The following MIPEP variants were observed in gnomAD, a reference collection of about 807,000 sequenced individuals.
The protein encoded by MIPEP is mitochondrial intermediate peptidase.
In MIPEP, 79 loss-of-function variants were observed where a neutral mutation model predicts 90.3. The observed-to-expected ratio is 0.87, with a 90% confidence interval of 0.73 to 1.05. MIPEP has a LOEUF of 1.05. Ranked by LOEUF, MIPEP falls within the 50% of genes least tolerant of loss-of-function variation. The probability of loss-of-function intolerance (pLI) is 0.00; values close to 1 mark genes in which losing one functional copy is unlikely to be tolerated. For missense variants in MIPEP, 940 were observed against 905.6 expected (o/e 1.04, Z -0.49); for synonymous variants, 334 against 315.8 (o/e 1.06, Z -0.61).
intron 18 of MIPEP, among the ~76,000 whole-genome samples, chr13:23,738,818 C>A (rs1174156295): frequency 6.6e-6 from 1 of 152,278 alleles, no homozygotes; most frequent in East Asian, 1.9e-4. Context: ...GGTGTGTCAA[C>A]TGGGAGCCTG....
At chr13:23,880,129 ACT>A (rs1327577545) in intron 3 of MIPEP, among the ~76,000 whole-genome samples, 40 of 151,944 alleles carry the variant, frequency 2.6e-4, no homozygotes, top group African/African-American at 9.4e-4. Context: ...ACTCAAGGAT[ACT>A]CCTGTTCCTC....
intron 16 of MIPEP, among the ~76,000 whole-genome samples, chr13:23,778,437 T>A (rs1016358603): frequency 6.6e-6 from 1 of 152,140 alleles, no homozygotes; most frequent in Non-Finnish European, 1.5e-5. Context: ...GGGGCACGAA[T>A]CACCATAACC....
chr13:23,840,281 C>T (rs537634324), intron 11 of MIPEP, among the ~76,000 whole-genome samples: 1 of 152,248 alleles, frequency 6.6e-6, no homozygotes, highest in African/African-American at 2.4e-5. Context: ...TCAAAGAGAA[C>T]CCCGATTTTG....
intron 16 of MIPEP, among the ~76,000 whole-genome samples, chr13:23,802,112 A>G (rs1953049507): frequency 1.3e-5 from 2 of 152,176 alleles, no homozygotes; most frequent in Non-Finnish European, 2.9e-5. Context: ...CCTTGCCAAC[A>G]TCTGATACTG....
chr13:23,858,949 G>A (rs769775507), intron 9 of MIPEP, 37 bp from the exon 10 acceptor site: 2 of 1,575,182 alleles, frequency 1.3e-6, no homozygotes, highest in African/African-American at 2.7e-5. Flanking sequence ...GAAAGCTACT[G>A]ACTCTTTCAT....
At chr13:23,731,532 AATT>A (rs1952204420) in intron 18 of MIPEP, among the ~76,000 whole-genome samples, 2 of 152,310 alleles carry the variant, frequency 1.3e-5, no homozygotes, top group South Asian at 2.1e-4. Flanking sequence ...TAAACACTAA[AATT>A]ATTATCTTAA....
At chr13:23,779,411 A>C (rs1245009293) in intron 16 of MIPEP, among the ~76,000 whole-genome samples, 2 of 152,180 alleles carry the variant, frequency 1.3e-5, no homozygotes, top group Admixed American at 6.5e-5. Flanking sequence ...GTGGGAGGAT[A>C]AACATCCCAT....
chr13:23,842,801 G>C (rs975660979), intron 10 of MIPEP, among the ~76,000 whole-genome samples: 2 of 152,162 alleles, frequency 1.3e-5, no homozygotes, highest in African/African-American at 2.4e-5. Flanking sequence ...TTCTCGGATA[G>C]GAATCAAGAA....
intron 14 of MIPEP, among the ~76,000 whole-genome samples, chr13:23,831,154 G>A (rs1362539108): frequency 1.3e-5 from 2 of 152,132 alleles, no homozygotes; most frequent in East Asian, 1.9e-4. Flanking sequence ...GAGAAAGTGG[G>A]ATGGGAACAG....
chr13:23,836,442 G>C (rs1477396092), intron 13 of MIPEP, 93 bp from the exon 14 acceptor site: 2 of 565,982 alleles, frequency 3.5e-6, no homozygotes, highest in Non-Finnish European at 5.8e-6. Flanking sequence ...TTGTACTTCT[G>C]ATGAACTGTA....
intron 16 of MIPEP, among the ~76,000 whole-genome samples, chr13:23,790,539 C>T (rs531119963): frequency 2.3e-4 from 35 of 152,028 alleles, no homozygotes; most frequent in African/African-American, 7.5e-4. Context: ...TGAGTACGCC[C>T]TAGTCAGAAC....
intron 18 of MIPEP, among the ~76,000 whole-genome samples, chr13:23,731,968 ATTTTTTTT>A (rs57109674): frequency 5.1e-5 from 5 of 97,870 alleles, no homozygotes; most frequent in African/African-American, 1.5e-4. Context: ...AGAATAGCTA[ATTTTTTTT>A]TTTTTTTTTT....
At chr13:23,857,925 A>C (rs1593194592) in intron 10 of MIPEP, among the ~76,000 whole-genome samples, 1 of 152,330 alleles carries the variant, frequency 6.6e-6, no homozygotes, top group Middle Eastern at 3.4e-3. Context: ...AAATATTTTA[A>C]AGCTTAATAC....
chr13:23,880,563 A>C (rs1315022262), intron 3 of MIPEP, among the ~76,000 whole-genome samples: 1 of 152,222 alleles, frequency 6.6e-6, no homozygotes, highest in East Asian at 1.9e-4. Flanking sequence ...CACAGCATGC[A>C]GAGAGCCTCG....
rs774301408 is a variant in MIPEP, at chr13:23,869,417, TA to T, written c.817del (p.Tyr273IlefsTer7). 13 of 1,603,630 alleles carry T rather than the reference TA, an allele frequency of 8.1e-6. No homozygotes were observed. The highest frequency in any genetic ancestry group is 1.1e-5 in the Non-Finnish European group (13 of 1,177,564). On this transcript the variant is annotated frameshift_variant, in exon 7 of 19. Coordinates refer to ENST00000382172, the MANE Select transcript of MIPEP (RefSeq NM_005932.4). LOFTEE classifies it high-confidence loss of function. ...VREAAYKIFL[Y>X]PNAGQLKCLE... ...ACATTTCAATTGACCAGCATTGGGA[TA>T]AAGAAAAATTTTATAAGCAGCTTCT...
rs184561191 is a variant in MIPEP at position 23,751,758 on chromosome 13, G to C, written c.2044+4787C>G. 7.6e-4 allele frequency among the ~76,000 whole-genome samples: 116 copies of C among 152,232 alleles called. 3 individuals are homozygous for C. The highest frequency in any genetic ancestry group is 4.6e-4 in the Admixed American group (7 of 15,288). On this transcript the variant is annotated intron_variant, in intron 18 of 18. Coordinates refer to ENST00000382172, the MANE Select transcript of MIPEP (RefSeq NM_005932.4). ...TGTCCTGCTTACATGGCTGTGGGGA[G>C]AATCTTTCCATCAGGACCCCCATGG...
chr13:23,848,185 G>T (rs1341983418), intron 10 of MIPEP, among the ~76,000 whole-genome samples: 1 of 152,188 alleles, frequency 6.6e-6, no homozygotes. Context: ...AGAAACACAT[G>T]CAATGAACCT....
At chr13:23,863,038 A>T (rs1870379782) in intron 8 of MIPEP, among the ~76,000 whole-genome samples, 1 of 152,256 alleles carries the variant, frequency 6.6e-6, no homozygotes, top group Non-Finnish European at 1.5e-5. Context: ...TTTAGAATTT[A>T]TAAACATAAT....
intron 16 of MIPEP, among the ~76,000 whole-genome samples, chr13:23,798,723 C>T (rs979136345): frequency 7.2e-5 from 11 of 152,036 alleles, no homozygotes; most frequent in Admixed American, 2.6e-4. Flanking sequence ...GTGGCACCTA[C>T]CCTCTCTCTC....
Sources: allele counts gnomAD v4.1 joint callset (sites outside exome capture counted in the v4.1 genomes callset), GRCh38; gene constraint gnomAD v4.1.1; transcripts MANE v1.5; gene names NCBI Gene and HGNC (gene_info 2026-07-23, HGNC 2026-07-21).